The following CACNA2D3 variants were observed in gnomAD, a reference collection of about 807,000 sequenced individuals.
The protein encoded by CACNA2D3 is calcium voltage-gated channel auxiliary subunit alpha2delta 3.
A neutral mutation model predicts 160.6 loss-of-function variants in CACNA2D3; 60 were observed. The observed-to-expected ratio is 0.37, with a 90% confidence interval of 0.30 to 0.46. The LOEUF (loss-of-function observed/expected upper bound fraction) is 0.46, where lower values mean the gene tolerates loss of function less well. Among genes scored for constraint, CACNA2D3 ranks in the 20% least tolerant of loss-of-function variants. The pLI, the probability that CACNA2D3 is intolerant of heterozygous loss-of-function variation, is 1.00. For synonymous variants in CACNA2D3, 558 were observed against 492.9 expected, an observed-to-expected ratio of 1.13 and a Z score of -1.75; for missense variants, 1,205 against 1,365.0, an observed-to-expected ratio of 0.88 and a Z score of 1.85.
At chr3:54,655,460 G>A (rs1194150631) in intron 11 of CACNA2D3, among the ~76,000 whole-genome samples, 1 of 152,180 alleles carries the variant, frequency 6.6e-6, no homozygotes, top group Non-Finnish European at 1.5e-5. Flanking sequence ...GTCTGCTGTA[G>A]TTAAAACATA....
At chr3:54,924,854 C>G in intron 27 of CACNA2D3, 2 of 1,613,860 alleles carry the variant, frequency 1.2e-6, no homozygotes, top group Non-Finnish European at 1.7e-6. Flanking sequence ...GCTCCCTCAG[C>G]TGAGGGAGGG....
intron 8 of CACNA2D3, among the ~76,000 whole-genome samples, chr3:54,577,453 A>G (rs1702603617): frequency 6.6e-6 from 1 of 152,176 alleles, no homozygotes; most frequent in Non-Finnish European, 1.5e-5. Flanking sequence ...CTTATCCCCA[A>G]CAAATGCAGA....
chr3:54,946,966 C>G (rs1701632078), intron 27 of CACNA2D3, among the ~76,000 whole-genome samples: 1 of 152,092 alleles, frequency 6.6e-6, no homozygotes, highest in Non-Finnish European at 1.5e-5. Flanking sequence ...CTGCCTGTGA[C>G]CATAGTGCAT....
At chr3:54,514,950 T>A (rs1575498060) in intron 5 of CACNA2D3, among the ~76,000 whole-genome samples, 1 of 152,292 alleles carries the variant, frequency 6.6e-6, no homozygotes, top group East Asian at 1.9e-4. Flanking sequence ...GAATTTCTAC[T>A]GTAGAAAAAG....
In CACNA2D3 at chr3:54,928,295, T is replaced by C. The variant is rs546225576; in HGVS notation, c.2449+28427T>C. On this transcript the variant is annotated intron_variant, in intron 27 of 37. Coordinates refer to ENST00000474759, the MANE Select transcript of CACNA2D3 (RefSeq NM_018398.3). ...AACATGACCCCAGTGCCTCGGCCTT[T>C]TTGATTATTTAATCTGCTTGAAGTA... Among the ~76,000 whole-genome samples the C allele has an allele frequency of 2.6e-5, 4 of 152,276 alleles. No individual in the cohort carries two copies. In the East Asian group the frequency reaches 7.8e-4, roughly 30 times the overall value.
chr3:54,635,761 A>C (rs1196062375), intron 10 of CACNA2D3, among the ~76,000 whole-genome samples: 1 of 151,754 alleles, frequency 6.6e-6, no homozygotes. Flanking sequence ...TAAAGGTTTC[A>C]CTGAATACTA....
chr3:54,599,484 C>T (rs1703023922), intron 9 of CACNA2D3, among the ~76,000 whole-genome samples: 1 of 152,186 alleles, frequency 6.6e-6, no homozygotes, highest in African/African-American at 2.4e-5. Context: ...AACACATTAA[C>T]CCACATGCTC....
chr3:54,269,078 T>C (rs1046811114), intron 2 of CACNA2D3, among the ~76,000 whole-genome samples: 1 of 152,142 alleles, frequency 6.6e-6, no homozygotes. Flanking sequence ...TTGGGATCCA[T>C]TGAGCCCCTG....
At chr3:54,788,407 G>C (rs1213971260) in intron 13 of CACNA2D3, among the ~76,000 whole-genome samples, 1 of 152,152 alleles carries the variant, frequency 6.6e-6, no homozygotes. Flanking sequence ...AGGGCACCCA[G>C]ACACCTTAGA....
chr3:55,042,934 A>G (rs1421152448), intron 35 of CACNA2D3, among the ~76,000 whole-genome samples: 1 of 152,202 alleles, frequency 6.6e-6, no homozygotes, highest in Non-Finnish European at 1.5e-5. Flanking sequence ...AGCATAATGC[A>G]TTTGAGATTT....
At chr3:54,150,779 G>T (rs888688735) in intron 2 of CACNA2D3, among the ~76,000 whole-genome samples, 1 of 152,208 alleles carries the variant, frequency 6.6e-6, no homozygotes, top group Non-Finnish European at 1.5e-5. Context: ...TATTCTAAGA[G>T]GAGATAACTC....
At position 54,134,559 on chromosome 3, in the gene CACNA2D3, C is replaced by T. The variant is rs578093560; in HGVS notation, c.204+10965C>T. Reference sequence around the variant, plus strand: ...TCACCAGGTCCTTCACAGCCCTTTCCCCATTTACTCTCCAACGCCAGGGTT... The same window carrying T: ...TCACCAGGTCCTTCACAGCCCTTTCTCCATTTACTCTCCAACGCCAGGGTT... On this transcript the variant is annotated intron_variant, in intron 2 of 37. Coordinates refer to ENST00000474759, the MANE Select transcript of CACNA2D3 (RefSeq NM_018398.3). Among the ~76,000 whole-genome samples, 47 of 152,314 alleles carry T rather than the reference C, an allele frequency of 3.1e-4. No homozygotes were observed. The South Asian group carries it at 8.5e-3, about 28-fold the overall frequency.
chr3:54,563,097 C>T (rs570252273), intron 6 of CACNA2D3, among the ~76,000 whole-genome samples, 166 bp downstream of exon 6: 1 of 152,272 alleles, frequency 6.6e-6, no homozygotes, highest in South Asian at 2.1e-4. Flanking sequence ...GGCAAGGTGG[C>T]ATCCAGATGG....
At chr3:54,202,169 A>G (rs1701191303) in intron 2 of CACNA2D3, among the ~76,000 whole-genome samples, 1 of 152,348 alleles carries the variant, frequency 6.6e-6, no homozygotes, top group South Asian at 2.1e-4. Flanking sequence ...CAACGTGCAG[A>G]ACGGGAAGGG....
At chr3:54,780,349 C>T (rs1033620959) in intron 13 of CACNA2D3, among the ~76,000 whole-genome samples, 1 of 152,206 alleles carries the variant, frequency 6.6e-6, no homozygotes, top group Non-Finnish European at 1.5e-5. Flanking sequence ...TTCTGCAGTG[C>T]TCCTTTTCTG....
chr3:55,058,987 A>C (rs1219817010), intron 35 of CACNA2D3, among the ~76,000 whole-genome samples: 1 of 152,204 alleles, frequency 6.6e-6, no homozygotes, highest in Non-Finnish European at 1.5e-5. Context: ...TTGTTTTCTT[A>C]CCATTAACAT....
chr3:54,357,557 A>G (rs1023792318), intron 3 of CACNA2D3, among the ~76,000 whole-genome samples: 2 of 152,246 alleles, frequency 1.3e-5, no homozygotes, highest in Admixed American at 6.5e-5. Flanking sequence ...TGATCCAGCA[A>G]TTGAGCTCTT....
intron 4 of CACNA2D3, among the ~76,000 whole-genome samples, chr3:54,406,208 G>A (rs1400471326): frequency 6.6e-6 from 1 of 152,018 alleles, no homozygotes; most frequent in African/African-American, 2.4e-5. Context: ...ATACTCAAAG[G>A]AAATGAAATC....
At chr3:54,678,182 G>C (rs1700277519) in intron 11 of CACNA2D3, among the ~76,000 whole-genome samples, 1 of 152,152 alleles carries the variant, frequency 6.6e-6, no homozygotes, top group South Asian at 2.1e-4. Context: ...ATTTTAGACA[G>C]ACCTTTCTGT....
Sources: gnomAD v4.1 joint callset for allele counts (sites outside exome capture counted in the v4.1 genomes callset) on GRCh38, gnomAD v4.1.1 for gene constraint, MANE v1.5 for transcripts, NCBI Gene and HGNC (gene_info 2026-07-23, HGNC 2026-07-21) for gene names.